Variants in MRE11 observed in about 807,000 individuals in gnomAD.
MRE11 encodes the protein MRE11 double strand break repair nuclease.
Under a neutral mutation model 91.7 loss-of-function variants are expected in MRE11, and 62 were observed. The observed-to-expected ratio is 0.68, with a 90% confidence interval of 0.55 to 0.84. The LOEUF is 0.84. Among genes scored for constraint, MRE11 ranks in the 40% least tolerant of loss-of-function variants. The probability of loss-of-function intolerance (pLI) is 0.00; values close to 1 mark genes in which losing one functional copy is unlikely to be tolerated. For synonymous variants in MRE11, 273 were observed against 271.4 expected (o/e 1.01, Z -0.06); for missense variants, 796 against 852.9 (o/e 0.93, Z 0.83).
At chr11:94,447,657 C>A (rs950915390) in intron 14 of MRE11, among the ~76,000 whole-genome samples, 1 of 133,746 alleles carries the variant, frequency 7.5e-6, no homozygotes, top group South Asian at 2.4e-4. Context: ...AGCGAAACCC[C>A]GTCTCTACAA....
intron 18 of MRE11, among the ~76,000 whole-genome samples, chr11:94,432,014 C>T (rs1945474541): frequency 1.3e-5 from 2 of 151,736 alleles, no homozygotes; most frequent in Admixed American, 6.6e-5. Context: ...CTTCAATTTA[C>T]AAAGACAAGA....
chr11:94,452,082 A>G (rs949403733), intron 14 of MRE11, among the ~76,000 whole-genome samples: 2 of 151,674 alleles, frequency 1.3e-5, no homozygotes, highest in Non-Finnish European at 2.9e-5. Context: ...AGCGCGCGCT[A>G]GCTACTCGGG....
At chr11:94,430,928 G>T (rs1012178909) in intron 18 of MRE11, among the ~76,000 whole-genome samples, 21 of 152,002 alleles carry the variant, frequency 1.4e-4, no homozygotes, top group African/African-American at 5.1e-4. Context: ...TTCACATTTT[G>T]AAATGGTTAC....
chr11:94,430,734 C>G (rs1945442870), intron 18 of MRE11, among the ~76,000 whole-genome samples: 1 of 152,132 alleles, frequency 6.6e-6, no homozygotes, highest in African/African-American at 2.4e-5. Flanking sequence ...CTCCCAAATG[C>G]TAGGATTACA....
At chr11:94,474,160 G>T (rs952009762) in intron 7 of MRE11, among the ~76,000 whole-genome samples, 9 of 152,104 alleles carry the variant, frequency 5.9e-5, no homozygotes, top group Admixed American at 5.9e-4. Context: ...CCAATAAAAA[G>T]AATCAGAGCA....
At chr11:94,511,309 G>A in the MRE11 span, among the ~76,000 whole-genome samples, 2 of 152,136 alleles carry the variant, frequency 1.3e-5, no homozygotes, top group Non-Finnish European at 2.9e-5. Context: ...GTAAGTTTCC[G>A]GAGGCTTCAC....
upstream of MRE11, chr11:94,498,533 C>A: frequency 1.2e-6 from 2 of 1,601,926 alleles, no homozygotes; most frequent in Non-Finnish European, 1.7e-6. Context: ...TCAGTCTTAA[C>A]AATTCTAGTA....
chr11:94,491,322 T>C lies in MRE11; in HGVS notation c.21-357A>G, dbSNP rs142381479. ...TGTTATTTATCTGACTTCGTACTCT[T>C]CCAGGAAAATCGAAGTTAATTTAAA... On this transcript the variant is annotated intron_variant, in intron 2 of 19. Transcript: ENST00000323929. Among the ~76,000 whole-genome samples, 4 of 152,294 alleles carry C rather than the reference T, an allele frequency of 2.6e-5. No homozygotes were observed. In the East Asian group the frequency reaches 5.8e-4, roughly 22 times the overall value.
At chr11:94,477,668 A>G (rs1235556097) in intron 6 of MRE11, among the ~76,000 whole-genome samples, 1 of 152,242 alleles carries the variant, frequency 6.6e-6, no homozygotes, top group Non-Finnish European at 1.5e-5. Context: ...AGGCACACAA[A>G]GCCCAAGGCA....
chr11:94,417,704 A>T lies in MRE11; in HGVS notation c.*2421T>A, dbSNP rs932044398. ...TCTTGACCTGTAGAGGGATTCCATCAGTGCTCAATTTATAATTATTTATTC... is the reference window on the plus strand; with the variant it reads ...TCTTGACCTGTAGAGGGATTCCATCTGTGCTCAATTTATAATTATTTATTC... On this transcript the variant is annotated 3_prime_UTR_variant, in exon 20 of 20. Coordinates refer to ENST00000323929, the MANE Select transcript of MRE11 (RefSeq NM_005591.4). 4.7e-5 allele frequency: 11 copies of T among 232,936 alleles called. No homozygotes were observed. Among genetic ancestry groups the T allele is most frequent in the Non-Finnish European group, 9.3e-5 (11 of 117,930 alleles). The allele number at this position is 232,936 out of a possible 1,614,324, so 14.4% of individuals were successfully genotyped here.
chr11:94,478,423 G>T (rs376573377), intron 6 of MRE11, among the ~76,000 whole-genome samples: 19 of 152,216 alleles, frequency 1.2e-4, no homozygotes, highest in African/African-American at 4.3e-4. Context: ...TAAGCTAGCG[G>T]TATTGTACAG....
intron 13 of MRE11, among the ~76,000 whole-genome samples, chr11:94,457,324 G>C (rs1250618743): frequency 2.0e-5 from 3 of 152,178 alleles, no homozygotes; most frequent in Non-Finnish European, 4.4e-5. Flanking sequence ...TGAGTGGATA[G>C]ATTTAATAGA....
chr11:94,460,296 G>T (rs1437054138), intron 12 of MRE11, among the ~76,000 whole-genome samples: 2 of 152,170 alleles, frequency 1.3e-5, no homozygotes, highest in African/African-American at 4.8e-5. Context: ...CACTAAGTTT[G>T]TGGAAATTTG....
intron 15 of MRE11, among the ~76,000 whole-genome samples, 177 bp from the exon 16 acceptor site, chr11:94,446,070 T>C (rs940025883): frequency 1.3e-5 from 2 of 152,218 alleles, no homozygotes; most frequent in African/African-American, 4.8e-5. Flanking sequence ...ACTATTCTTT[T>C]AGGCCACACT....
chr11:94,432,499 G>T (rs904478323), intron 18 of MRE11, among the ~76,000 whole-genome samples: 1 of 152,204 alleles, frequency 6.6e-6, no homozygotes, highest in Non-Finnish European at 1.5e-5. Context: ...AGAGGTAAAT[G>T]TAAGTACCAT....
chr11:94,431,506 A>C (rs1468829312), intron 18 of MRE11, among the ~76,000 whole-genome samples: 2 of 152,212 alleles, frequency 1.3e-5, no homozygotes, highest in African/African-American at 4.8e-5. Flanking sequence ...CTAAAATGTT[A>C]AACAGCCTCT....
chr11:94,464,020 A>G, intron 11 of MRE11, 93 bp downstream of exon 11: 5 of 1,374,372 alleles, frequency 3.6e-6, no homozygotes, highest in Non-Finnish European at 5.1e-6. Context: ...TCATATTAAA[A>G]CATCTTCCAT....
the MRE11 span, among the ~76,000 whole-genome samples, chr11:94,507,726 C>T: frequency 6.6e-6 from 1 of 152,038 alleles, no homozygotes; most frequent in African/African-American, 2.4e-5. Context: ...TTGCATATTC[C>T]TGGTGACTAA....
chr11:94,474,536 T>TA (rs1416390283), intron 7 of MRE11, among the ~76,000 whole-genome samples: 1 of 152,052 alleles, frequency 6.6e-6, no homozygotes, highest in East Asian at 1.9e-4. Context: ...AATCAAAACT[T>TA]ACAATTAAAA....
Sources: allele counts gnomAD v4.1 joint callset (sites outside exome capture counted in the v4.1 genomes callset), GRCh38; gene constraint gnomAD v4.1.1; transcripts MANE v1.5; gene names NCBI Gene and HGNC (gene_info 2026-07-23, HGNC 2026-07-21).